AP3B1: variants seen among roughly 807,000 people sequenced by gnomAD.
The protein encoded by AP3B1 is AP-3 complex subunit beta-1.
AP3B1 carries 61 observed loss-of-function variants against 132.5 expected under a neutral mutation model. That is an observed-to-expected ratio of 0.46 (90% CI 0.37 to 0.57). The LOEUF (loss-of-function observed/expected upper bound fraction) is 0.57. Ranked by LOEUF, AP3B1 falls within the 20% of genes least tolerant of loss-of-function variation. The pLI is 0.00. For synonymous variants in AP3B1, 388 were observed against 438.3 expected (o/e 0.89, Z 1.43); for missense variants, 1,120 against 1,289.4 (o/e 0.87, Z 2.01).
In AP3B1 at chr5:78,181,647, C is replaced by A; in HGVS notation, c.802G>T (p.Asp268Tyr). 6.2e-7 allele frequency: 1 copy of A among 1,612,028 alleles called. No individual in the cohort carries two copies. ...GATTCGTAGAAATTCTTTCCATTGT[C>A]TTCTAATTCATCACCCTACAATGAA... ...SPWKEGDELE[D>Y]NGKNFYESDD... The change falls in exon 8 of 27, where the codon GAC (aspartate) becomes TAC (tyrosine). Residue 268 changes from aspartate to tyrosine, a missense_variant. Physicochemically the swap from Asp to Tyr is radical, Grantham distance 160. Coordinates refer to ENST00000255194, the MANE Select transcript of AP3B1 (RefSeq NM_003664.5).
At chr5:78,012,258 G>A (rs1260756988) in intron 26 of AP3B1, among the ~76,000 whole-genome samples, 1 of 151,712 alleles carries the variant, frequency 6.6e-6, no homozygotes, top group Non-Finnish European at 1.5e-5. Flanking sequence ...TTTCAATAAA[G>A]TGGTAAACAG....
chr5:78,038,926 T>C (rs1167600246), intron 23 of AP3B1, 117 bp downstream of exon 23: 9 of 665,054 alleles, frequency 1.4e-5, no homozygotes, highest in Non-Finnish European at 5.1e-6. Flanking sequence ...ATGCTAATTG[T>C]CAATACAATC....
At chr5:78,211,095 T>C (rs1293814901) in intron 7 of AP3B1, among the ~76,000 whole-genome samples, 1 of 152,188 alleles carries the variant, frequency 6.6e-6, no homozygotes, top group Admixed American at 6.5e-5. Context: ...AAAGGTTTAA[T>C]TTCCATTTTC....
intron 11 of AP3B1, among the ~76,000 whole-genome samples, chr5:78,167,062 C>T (rs1230165786): frequency 6.6e-6 from 1 of 152,072 alleles, no homozygotes; most frequent in Non-Finnish European, 1.5e-5. Flanking sequence ...AACAGACAAC[C>T]CACAGAGTGG....
intron 3 of AP3B1, among the ~76,000 whole-genome samples, chr5:78,236,947 C>T (rs1278895180): frequency 6.6e-6 from 1 of 152,108 alleles, no homozygotes; most frequent in Non-Finnish European, 1.5e-5. Flanking sequence ...ATAACAAGCA[C>T]ATAGTGTTTA....
At chr5:78,011,209 CT>C (rs1353471240) in intron 26 of AP3B1, among the ~76,000 whole-genome samples, 1 of 151,502 alleles carries the variant, frequency 6.6e-6, no homozygotes, top group South Asian at 2.1e-4. Flanking sequence ...AGCCTGGCTA[CT>C]TTTTTTTGTA....
chr5:78,228,024 T>C, intron 4 of AP3B1, 120 bp downstream of exon 4: 1 of 634,802 alleles, frequency 1.6e-6, no homozygotes, highest in South Asian at 2.5e-5. Flanking sequence ...ATAGGAGGCT[T>C]TTAACTCTTT....
intron 6 of AP3B1, among the ~76,000 whole-genome samples, chr5:78,223,027 C>CTCTTTTTTTTTTTTTTTTTT (rs66493022): frequency 6.0e-4 from 77 of 127,776 alleles, no homozygotes; most frequent in Non-Finnish European, 8.0e-4. Flanking sequence ...TTGTTTGTTT[C>CTCTTTTTTTTTTTTTTTTTT]TTTTTTTTTT....
In AP3B1 at chr5:78,227,389, T is replaced by C. The variant is rs747459337; in HGVS notation, c.519A>G (p.Ala173=). 3.2e-5 allele frequency: 51 copies of C among 1,613,478 alleles called. No homozygotes were observed. The highest frequency in any genetic ancestry group is 1.0e-4 in the Admixed American group (6 of 60,008). Reference sequence around the variant, plus strand: ...GCACCTACCTGTATAATTTTTGTATTGCATGGGCTGCATTCTTCCTAACAT... The same window carrying C: ...GCACCTACCTGTATAATTTTTGTATCGCATGGGCTGCATTCTTCCTAACAT... The part of the protein sequence containing the change: ...SPYVRKNAAH[A]IQKLYSLDPE... Residue 173 remains alanine, a synonymous_variant, in exon 5 of 27, where the codon GCA becomes GCG. Coordinates refer to ENST00000255194, the MANE Select transcript of AP3B1 (RefSeq NM_003664.5).
chr5:78,216,007 A>C, intron 7 of AP3B1, 48 bp downstream of exon 7: 1 of 1,595,414 alleles, frequency 6.3e-7, no homozygotes, highest in Non-Finnish European at 8.6e-7. Flanking sequence ...TAAAAAGCTC[A>C]TCCATTCTCT....
At chr5:78,054,626 T>C (rs1011716182) in intron 22 of AP3B1, among the ~76,000 whole-genome samples, 1 of 152,082 alleles carries the variant, frequency 6.6e-6, no homozygotes, top group African/African-American at 2.4e-5. Context: ...CTTACAAAAT[T>C]GTATGAGGGA....
intron 7 of AP3B1, among the ~76,000 whole-genome samples, chr5:78,185,372 T>A (rs1244630583): frequency 1.3e-5 from 2 of 152,178 alleles, no homozygotes; most frequent in East Asian, 1.9e-4. Context: ...AGAAAAGTTA[T>A]AACATTGATA....
intron 7 of AP3B1, among the ~76,000 whole-genome samples, chr5:78,210,464 G>T (rs1359365261): frequency 6.6e-6 from 1 of 152,046 alleles, no homozygotes; most frequent in African/African-American, 2.4e-5. Flanking sequence ...TTTGGACTTT[G>T]TTAAACTTAT....
chr5:78,016,836 T>C (rs2112056974), intron 25 of AP3B1, among the ~76,000 whole-genome samples: 1 of 152,206 alleles, frequency 6.6e-6, no homozygotes, highest in East Asian at 1.9e-4. Flanking sequence ...CTTTAAAAAC[T>C]ATACAAACAG....
intron 8 of AP3B1, among the ~76,000 whole-genome samples, chr5:78,178,391 G>A (rs1165456837): frequency 6.6e-6 from 1 of 152,174 alleles, no homozygotes; most frequent in Non-Finnish European, 1.5e-5. Flanking sequence ...GGGAGGCCGA[G>A]GCAGGTGGGT....
chr5:78,185,459 C>G (rs1431702288), intron 7 of AP3B1, among the ~76,000 whole-genome samples: 4 of 152,102 alleles, frequency 2.6e-5, no homozygotes, highest in Middle Eastern at 3.2e-3. Context: ...TCAAAGGGAG[C>G]TAAGTGGTTA....
At chr5:78,065,621 T>C (rs1749256732) in intron 22 of AP3B1, among the ~76,000 whole-genome samples, 1 of 152,048 alleles carries the variant, frequency 6.6e-6, no homozygotes, top group Non-Finnish European at 1.5e-5. Flanking sequence ...CTGCAGGAAT[T>C]TCAGCAACTC....
chr5:78,073,272 T>C (rs1264529086), intron 22 of AP3B1, among the ~76,000 whole-genome samples: 1 of 152,218 alleles, frequency 6.6e-6, no homozygotes, highest in Non-Finnish European at 1.5e-5. Context: ...GAATAAGAAT[T>C]ATTAATTTCC....
Position 78,089,416 on chromosome 5 carries a change from A to T in AP3B1, c.2554T>A (p.Ser852Thr). The stretch of plus-strand genomic sequence containing the variant: ...ACACTGATGACTGAAGAGGAAGTTG[A>T]CAAGTGTAAACCTTCAAGATCAGCC... The part of the protein sequence containing the change: ...LMADLEGLHL[S>T]TSSSVISVST... Residue 852 changes from serine (S) to threonine (T), a missense_variant, in exon 22 of 27, where the codon TCA (serine) becomes ACA (threonine). Physicochemically the swap from Ser to Thr is moderately conservative, Grantham distance 58. Transcript: ENST00000255194. The T allele has an allele frequency of 6.2e-7, 1 of 1,612,406 alleles. No individual in the cohort carries two copies. The highest frequency in any genetic ancestry group is 8.5e-7 in the Non-Finnish European group (1 of 1,178,550).
Sources: gnomAD v4.1 joint callset for allele counts (sites outside exome capture counted in the v4.1 genomes callset) on GRCh38, gnomAD v4.1.1 for gene constraint, MANE v1.5 for transcripts, NCBI Gene and HGNC (gene_info 2026-07-23, HGNC 2026-07-21) for gene names.